Variants in GPHN observed in about 807,000 individuals in gnomAD.
GPHN encodes the protein gephyrin.
GPHN carries 17 observed loss-of-function variants against 95.5 expected under a neutral mutation model. That is an observed-to-expected ratio of 0.18 (90% CI 0.12 to 0.27). The LOEUF (loss-of-function observed/expected upper bound fraction) is 0.27, where lower values mean the gene tolerates loss of function less well. GPHN is among the 10% of genes least tolerant of loss of function. GPHN has a pLI of 1.00. For missense variants in GPHN, 660 were observed against 978.1 expected, an observed-to-expected ratio of 0.67 and a Z score of 4.34; for synonymous variants, 320 against 322.5, an observed-to-expected ratio of 0.99 and a Z score of 0.08.
the GPHN span, chr14:67,569,183 GAT>G: frequency 5.0e-6 from 8 of 1,613,332 alleles, no homozygotes; most frequent in Non-Finnish European, 5.1e-6. Context: ...GCGGCTCTCA[GAT>G]ATGTCTCCCA....
chr14:67,502,117 G>T, the GPHN span, among the ~76,000 whole-genome samples: 1 of 152,134 alleles, frequency 6.6e-6, no homozygotes, highest in African/African-American at 2.4e-5. Flanking sequence ...TGGATCACCT[G>T]AGGTCGGGAG....
chr14:67,185,225 T>C (rs1200836753), downstream of GPHN, among the ~76,000 whole-genome samples: 2 of 151,782 alleles, frequency 1.3e-5, no homozygotes, highest in Admixed American at 6.6e-5. Context: ...GAAACAACAG[T>C]GGTGGGCATG....
At chr14:67,726,886 A>T in the GPHN span, 1 of 1,111,720 alleles carries the variant, frequency 9.0e-7, no homozygotes, top group Non-Finnish European at 1.3e-6. Context: ...CACACCCAGA[A>T]GATAGTGAGC....
chr14:67,341,672 G>A, the GPHN span, among the ~76,000 whole-genome samples: 2 of 152,208 alleles, frequency 1.3e-5, no homozygotes, highest in South Asian at 2.1e-4. Context: ...CCACCACCCC[G>A]TCTGGGAGGT....
At chr14:67,579,235 C>A in the GPHN span, 1 of 1,610,384 alleles carries the variant, frequency 6.2e-7, no homozygotes. Flanking sequence ...GAAGTGGTGT[C>A]CATCCTGCTG....
intron 11 of GPHN, among the ~76,000 whole-genome samples, chr14:67,084,718 G>C (rs540832122): frequency 3.3e-5 from 5 of 152,276 alleles, no homozygotes; most frequent in East Asian, 1.9e-4. Flanking sequence ...CAGTGAACTT[G>C]TTGGCCTTGG....
At chr14:66,750,813 C>G (rs2058335548) in intron 2 of GPHN, among the ~76,000 whole-genome samples, 1 of 151,912 alleles carries the variant, frequency 6.6e-6, no homozygotes, top group African/African-American at 2.4e-5. Context: ...CCACATATTA[C>G]TATTACTCCT....
At chr14:67,342,722 TATC>T in the GPHN span, among the ~76,000 whole-genome samples, 3 of 150,770 alleles carry the variant, frequency 2.0e-5, no homozygotes, top group African/African-American at 7.3e-5. Flanking sequence ...ATAGTTAATA[TATC>T]ATATTATACA....
intron 9 of GPHN, among the ~76,000 whole-genome samples, chr14:66,987,814 G>A (rs2071128250): frequency 1.3e-5 from 2 of 152,086 alleles, no homozygotes; most frequent in Admixed American, 1.3e-4. Flanking sequence ...TTTGATGTTT[G>A]AAATGTTTGC....
Position 67,072,175 on chromosome 14 carries a change from A to G in GPHN, c.1144+13389A>G, listed in dbSNP as rs189809698. Among the ~76,000 whole-genome samples, 224 of 152,292 alleles carry G rather than the reference A, an allele frequency of 1.5e-3. 1 individual carries two copies. The highest frequency in any genetic ancestry group is 3.4e-3 in the Middle Eastern group (1 of 292). On this transcript the variant is annotated intron_variant, in intron 11 of 22. Coordinates refer to ENST00000478722, the MANE Select transcript of GPHN (RefSeq NM_020806.5). Reference sequence around the variant, plus strand: ...GATTCAGAATGTATGCAGTGGAAAAAAATGTTTTAAGTTAAAATGGAAAAA... The same window carrying G: ...GATTCAGAATGTATGCAGTGGAAAAGAATGTTTTAAGTTAAAATGGAAAAA...
chr14:67,339,763 T>G, the GPHN span, among the ~76,000 whole-genome samples: 2 of 152,164 alleles, frequency 1.3e-5, no homozygotes, highest in Non-Finnish European at 2.9e-5. Flanking sequence ...CTCTCAGTTT[T>G]TATGTAGGAG....
the GPHN span, among the ~76,000 whole-genome samples, chr14:67,325,852 A>C: frequency 1.3e-5 from 2 of 150,794 alleles, no homozygotes; most frequent in African/African-American, 4.9e-5. Context: ...TCTGTCGCCC[A>C]GGCTGGAATG....
intron 18 of GPHN, among the ~76,000 whole-genome samples, chr14:67,144,248 A>T (rs375318533): frequency 0.11 from 7,101 of 61,964 alleles, 1,682 homozygotes; most frequent in African/African-American, 0.45. Flanking sequence ...AAAAAAAAAA[A>T]AAATATATAT....
intron 11 of GPHN, among the ~76,000 whole-genome samples, chr14:67,088,592 T>A (rs1228301026): frequency 1.3e-4 from 20 of 152,214 alleles, no homozygotes; most frequent in Admixed American, 1.3e-3. Context: ...GAAACATTTA[T>A]CCATTTTCCT....
At chr14:67,629,446 G>A in the GPHN span, among the ~76,000 whole-genome samples, 1 of 152,198 alleles carries the variant, frequency 6.6e-6, no homozygotes, top group Admixed American at 6.5e-5. Context: ...GACAAATACA[G>A]CATGATTCCA....
chr14:66,996,232 G>A (rs1489554817), intron 9 of GPHN: 19 of 1,493,962 alleles, frequency 1.3e-5, no homozygotes, highest in Non-Finnish European at 1.5e-5. Context: ...TATTTTGCAC[G>A]TGTTTTCTTA....
At chr14:67,317,651 C>T in the GPHN span, among the ~76,000 whole-genome samples, 5 of 152,218 alleles carry the variant, frequency 3.3e-5, no homozygotes, top group African/African-American at 1.2e-4. Context: ...AAAACTGATA[C>T]AAAAATTCAA....
intron 13 of GPHN, among the ~76,000 whole-genome samples, chr14:67,107,324 T>A (rs953781628): frequency 1.3e-5 from 2 of 152,076 alleles, no homozygotes; most frequent in African/African-American, 4.8e-5. Context: ...GGAGCCAGGA[T>A]CCAAGGCTCA....
the GPHN span, among the ~76,000 whole-genome samples, chr14:67,192,349 AT>A: frequency 2.6e-5 from 4 of 152,094 alleles, no homozygotes. Flanking sequence ...TCTCACTTTC[AT>A]TCAACAAGTA....
Sources: allele counts gnomAD v4.1 joint callset (sites outside exome capture counted in the v4.1 genomes callset), GRCh38; gene constraint gnomAD v4.1.1; transcripts MANE v1.5; gene names NCBI Gene and HGNC (gene_info 2026-07-23, HGNC 2026-07-21).